ST3GAL6: variants seen among roughly 807,000 people sequenced by gnomAD.
The protein encoded by ST3GAL6 is ST3 beta-galactoside alpha-2,3-sialyltransferase 6.
ST3GAL6 carries 31 observed loss-of-function variants against 40.5 expected under a neutral mutation model. That is an observed-to-expected ratio of 0.77 (90% confidence interval 0.58 to 1.03). The LOEUF (loss-of-function observed/expected upper bound fraction) is 1.03, where lower values mean the gene tolerates loss of function less well. ST3GAL6 is among the 50% of genes least tolerant of loss of function. The pLI is 0.00. For synonymous variants in ST3GAL6, 129 were observed against 136.9 expected, an observed-to-expected ratio of 0.94 and a Z score of 0.40; for missense variants, 357 against 393.2, an observed-to-expected ratio of 0.91 and a Z score of 0.78.
chr3:98,771,467 C>G (rs1169822146), intron 3 of ST3GAL6, among the ~76,000 whole-genome samples: 1 of 152,110 alleles, frequency 6.6e-6, no homozygotes, highest in Non-Finnish European at 1.5e-5. Flanking sequence ...CTCTTCTATT[C>G]ACATATGTTC....
intron 1 of ST3GAL6, among the ~76,000 whole-genome samples, chr3:98,737,519 G>A (rs1019075523): frequency 3.3e-5 from 5 of 152,088 alleles, no homozygotes; most frequent in Non-Finnish European, 7.4e-5. Flanking sequence ...GCTCAGAGAC[G>A]CCTATACAGT....
chr3:98,777,732 C>G (rs1939689262), intron 5 of ST3GAL6, among the ~76,000 whole-genome samples: 1 of 152,134 alleles, frequency 6.6e-6, no homozygotes, highest in Non-Finnish European at 1.5e-5. Context: ...TTCAGTGCAT[C>G]TTTTTTATCT....
At chr3:98,741,417 G>A (rs1281455618) in intron 1 of ST3GAL6, among the ~76,000 whole-genome samples, 1 of 152,084 alleles carries the variant, frequency 6.6e-6, no homozygotes, top group Non-Finnish European at 1.5e-5. Context: ...TGTTGTGGGA[G>A]GGGAATTGGG....
In ST3GAL6 at chr3:98,794,306, G is replaced by A. The variant is rs1559760448; in HGVS notation, c.*545G>A. On this transcript the variant is annotated 3_prime_UTR_variant, in exon 10 of 10. Coordinates refer to ENST00000483910, the MANE Select transcript of ST3GAL6 (RefSeq NM_001323368.2). ...AGAGTAATTTGGTACAATGAAGGCA[G>A]TGTTTGTTTTTAAGTTAAAGGAAAT... 6.6e-6 allele frequency: 1 copy of A among 152,146 alleles called. No individual in the cohort carries two copies. Among genetic ancestry groups the A allele is most frequent in the East Asian group, 1.9e-4 (1 of 5,186 alleles). 9.4% of individuals were successfully genotyped at this position (152,146 alleles called of 1,614,324 possible).
chr3:98,774,678 A>G (rs1359930131), intron 5 of ST3GAL6, among the ~76,000 whole-genome samples: 1 of 152,196 alleles, frequency 6.6e-6, no homozygotes, highest in African/African-American at 2.4e-5. Flanking sequence ...CTCCATTAAA[A>G]AGGAAAATGG....
chr3:98,775,996 G>C (rs939817377), intron 5 of ST3GAL6, among the ~76,000 whole-genome samples: 2 of 152,200 alleles, frequency 1.3e-5, no homozygotes, highest in Non-Finnish European at 2.9e-5. Flanking sequence ...GGAGCACAGT[G>C]ACACATGTTT....
upstream of ST3GAL6, among the ~76,000 whole-genome samples, chr3:98,762,344 A>T (rs1392903777): frequency 2.0e-5 from 3 of 152,244 alleles, no homozygotes; most frequent in Non-Finnish European, 4.4e-5. Flanking sequence ...GGGGGGCATA[A>T]ATCAGATTTT....
At chr3:98,755,943 C>G (rs1937386068) in intron 1 of ST3GAL6, among the ~76,000 whole-genome samples, 1 of 152,092 alleles carries the variant, frequency 6.6e-6, no homozygotes, top group Non-Finnish European at 1.5e-5. Context: ...ATTCTCCTCT[C>G]TCCTTCTGTC....
chr3:98,792,743 T>C (rs535345262), intron 9 of ST3GAL6, among the ~76,000 whole-genome samples: 1 of 150,878 alleles, frequency 6.6e-6, no homozygotes, highest in Admixed American at 6.6e-5. Context: ...GGTCTCGAAC[T>C]CCTGGCCTCA....
At chr3:98,769,908 C>T (rs1230699363) in intron 2 of ST3GAL6, among the ~76,000 whole-genome samples, 1 of 152,072 alleles carries the variant, frequency 6.6e-6, no homozygotes, top group Non-Finnish European at 1.5e-5. Flanking sequence ...TGTGCTGGTC[C>T]ACCATATTTA....
intron 5 of ST3GAL6, among the ~76,000 whole-genome samples, chr3:98,778,241 G>A (rs1939736341): frequency 6.6e-6 from 1 of 152,190 alleles, no homozygotes; most frequent in Non-Finnish European, 1.5e-5. Flanking sequence ...ATTTGTAAAA[G>A]CTGCCTGGTT....
chr3:98,732,418 C>T (rs1935093303), exon 1 of ST3GAL6: 1 of 156,602 alleles, frequency 6.4e-6, no homozygotes, highest in Admixed American at 6.5e-5. Context: ...GGAAATCGAT[C>T]CTCCTACCTT....
chr3:98,755,075 T>C (rs1167524751), intron 1 of ST3GAL6, among the ~76,000 whole-genome samples: 5 of 152,144 alleles, frequency 3.3e-5, no homozygotes, highest in Non-Finnish European at 1.5e-5. Context: ...TGAGACGGAG[T>C]CTCGCTCTGT....
At position 98,737,471 on chromosome 3, in the gene ST3GAL6, C is replaced by A. The variant is rs553001822; in HGVS notation, c.-12+4939C>A. Among the ~76,000 whole-genome samples, 113 of 152,268 alleles carry A rather than the reference C, an allele frequency of 7.4e-4. 2 individuals carry two copies. In the South Asian group the frequency reaches 0.022, roughly 30 times the overall value. Reference sequence around the variant, plus strand: ...ATAACTGATTTCCCCTCTCTTTTCCCTAGGGCAGAGCACAGGAATATCACA... The same window carrying A: ...ATAACTGATTTCCCCTCTCTTTTCCATAGGGCAGAGCACAGGAATATCACA... On this transcript the variant is annotated intron_variant, in intron 1 of 9. Coordinates refer to the ST3GAL6 transcript ENST00000265261.
At chr3:98,733,008 C>T in intron 1 of ST3GAL6, 1 of 1,456,020 alleles carries the variant, frequency 6.9e-7, no homozygotes, top group Non-Finnish European at 9.0e-7. Flanking sequence ...TTTGCACTGC[C>T]CGGGTGAGGG....
chr3:98,777,259 T>G (rs1939642736), intron 5 of ST3GAL6, among the ~76,000 whole-genome samples: 1 of 152,208 alleles, frequency 6.6e-6, no homozygotes, highest in South Asian at 2.1e-4. Flanking sequence ...TGGAACCAGT[T>G]GGTACCAACT....
At chr3:98,741,770 A>C (rs1936108820) in intron 1 of ST3GAL6, among the ~76,000 whole-genome samples, 1 of 152,226 alleles carries the variant, frequency 6.6e-6, no homozygotes, top group African/African-American at 2.4e-5. Flanking sequence ...CATGTAATAC[A>C]TTCCTTCCAA....
intron 1 of ST3GAL6, among the ~76,000 whole-genome samples, chr3:98,744,851 G>A (rs1936415637): frequency 6.6e-6 from 1 of 151,960 alleles, no homozygotes; most frequent in South Asian, 2.1e-4. Context: ...GCTGAACTTT[G>A]GCATGTCAAA....
chr3:98,756,078 C>T (rs1268752448), intron 1 of ST3GAL6, among the ~76,000 whole-genome samples: 1 of 152,100 alleles, frequency 6.6e-6, no homozygotes, highest in Non-Finnish European at 1.5e-5. Flanking sequence ...TCTTTCATTA[C>T]CAGGTTACTT....
Sources: gnomAD v4.1 joint callset for allele counts (sites outside exome capture counted in the v4.1 genomes callset) on GRCh38, gnomAD v4.1.1 for gene constraint, MANE v1.5 for transcripts, NCBI Gene and HGNC (gene_info 2026-07-23, HGNC 2026-07-21) for gene names.